The following CASZ1 variants were observed in gnomAD, a reference collection of about 807,000 sequenced individuals.
The protein encoded by CASZ1 is castor zinc finger 1.
In CASZ1, 28 loss-of-function variants were observed where a neutral mutation model predicts 135.2. The observed-to-expected ratio is 0.21, with a 90% confidence interval of 0.15 to 0.28. The LOEUF (loss-of-function observed/expected upper bound fraction) is 0.28, where lower values mean the gene tolerates loss of function less well. Ranked by LOEUF, CASZ1 falls within the 10% of genes least tolerant of loss-of-function variation. The pLI is 1.00. For synonymous variants in CASZ1, 1,068 were observed against 1,073.4 expected (o/e 0.99, Z 0.10); for missense variants, 2,161 against 2,453.3 (o/e 0.88, Z 2.52).
At chr1:10,663,834 G>A (rs371969357) in intron 5 of CASZ1, among the ~76,000 whole-genome samples, 3 of 152,210 alleles carry the variant, frequency 2.0e-5, no homozygotes, top group Admixed American at 6.5e-5. Context: ...TTCCAGGCCC[G>A]CCTCTGCCAG....
rs1640900388 is a variant in CASZ1, at chr1:10,788,633, G to A, written c.-234+7931C>T. Among the ~76,000 whole-genome samples, 1 of 152,220 alleles carries A rather than the reference G, an allele frequency of 6.6e-6. No homozygotes were observed. Among genetic ancestry groups the A allele is most frequent in the Non-Finnish European group, 1.5e-5 (1 of 68,034 alleles). ...CAGTGCCTCACACCCAGGTGGCCAA[G>A]GATGGAACAGGCGGAGACCACAGGC... On this transcript the variant is annotated intron_variant, in intron 1 of 20. Transcript: ENST00000377022. The surrounding 1 kb of genome is among the most constrained non-coding windows in gnomAD (Gnocchi z 4.1).
At chr1:10,690,677 A>T (rs492447) in intron 4 of CASZ1, among the ~76,000 whole-genome samples, 68,944 of 151,998 alleles carry the variant, frequency 0.45, 16,273 homozygotes, top group Non-Finnish European at 0.49. Flanking sequence ...CCTCACCGGC[A>T]CCCCCTGCAG....
At chr1:10,656,826 G>A in intron 7 of CASZ1, 90 bp from the exon 8 acceptor site, 1 of 811,642 alleles carries the variant, frequency 1.2e-6, no homozygotes, top group South Asian at 1.5e-5. Context: ...GACTCTTCGG[G>A]CCCTGTATGG....
rs1642944658 is a variant in CASZ1 at position 10,659,750 on chromosome 1, G to A, written c.1292C>T (p.Thr431Ile). 1.9e-6 allele frequency: 3 copies of A among 1,613,948 alleles called. No homozygotes were observed. Among genetic ancestry groups the A allele is most frequent in the Admixed American group, 3.3e-5 (2 of 60,002 alleles). Residue 431 changes from threonine to isoleucine, a missense_variant, in exon 6 of 21, where the codon ACC becomes ATC. Physicochemically the swap from Thr to Ile is moderately conservative, Grantham distance 89. Coordinates refer to ENST00000377022, the MANE Select transcript of CASZ1 (RefSeq NM_001079843.3). ...SFNTPEYLKSTFSKTDSITTG... is the reference protein window; with the variant it reads ...SFNTPEYLKSIFSKTDSITTG... ...GGTGATGGAGTCTGTTTTGGAGAAGGTTGACTTCAGGTACTCGGGAGTGTT... is the reference window on the plus strand; with the variant it reads ...GGTGATGGAGTCTGTTTTGGAGAAGATTGACTTCAGGTACTCGGGAGTGTT...
rs1642414887 is a variant in CASZ1, at chr1:10,647,888, G to A, written c.3410C>T (p.Pro1137Leu). The A allele has an allele frequency of 6.2e-7, 1 of 1,613,882 alleles. No homozygotes were observed. The highest frequency in any genetic ancestry group is 8.5e-7 in the Non-Finnish European group (1 of 1,180,004). Reference sequence around the variant, plus strand: ...TGCCAAGGGCGAGGCGGGCAGGTGAGGCACTGACGCTGGGATCTGAGGCAT... The same window carrying A: ...TGCCAAGGGCGAGGCGGGCAGGTGAAGCACTGACGCTGGGATCTGAGGCAT... ...PQMPQIPASV[P>L]HLPASPLATT... is the part of the protein sequence containing the mutation. The change falls in exon 16 of 21, where the codon CCT (proline) becomes CTT (leucine). Residue 1137 changes from proline to leucine, a missense_variant. Physicochemically the swap from Pro to Leu is moderately conservative, Grantham distance 98. Transcript: ENST00000377022. This position sits in a 1 kb window ranked among gnomAD's most constrained non-coding sequence, Gnocchi z 4.9.
rs1211693494 is a variant in CASZ1, at chr1:10,729,359, G to A, written c.-76-23815C>T. Among the ~76,000 whole-genome samples the A allele has an allele frequency of 2.0e-5, 3 of 152,206 alleles. No homozygotes were observed. The East Asian group carries it at 5.8e-4, about 29-fold the overall frequency. On this transcript the variant is annotated intron_variant, in intron 2 of 20. Transcript: ENST00000377022. ...ATTCACAGGCTGGCACTGCGGGGCA[G>A]CCGGGCCCAGGTGGCTCCTCTCCCT...
At chr1:10,790,990 T>G (rs548853689) in intron 1 of CASZ1, among the ~76,000 whole-genome samples, 135 of 151,752 alleles carry the variant, frequency 8.9e-4, no homozygotes, top group African/African-American at 3.1e-3. Flanking sequence ...AAGAAAAAAT[T>G]TGCTTCTACC....
chr1:10,773,671 A>G (rs1570580966), intron 1 of CASZ1, among the ~76,000 whole-genome samples: 1 of 152,058 alleles, frequency 6.6e-6, no homozygotes, highest in African/African-American at 2.4e-5. Context: ...GGCTCCCCCA[A>G]ACCAAGCAGG....
Position 10,694,042 on chromosome 1 carries a change from G to T in CASZ1, c.-23-130C>A. 1 of 778,734 alleles carries T rather than the reference G, an allele frequency of 1.3e-6. No individual in the cohort carries two copies. Among genetic ancestry groups the T allele is most frequent in the Non-Finnish European group, 1.9e-6 (1 of 520,194 alleles). The allele number at this position is 778,734 out of a possible 1,614,324, so 48.2% of individuals were successfully genotyped here. A position where few individuals can be genotyped will look rare whatever the true frequency, so the allele number is the denominator to read the frequency against. On this transcript the variant is annotated intron_variant, in intron 3 of 20. Transcript: ENST00000377022. This position sits in a 1 kb window ranked among gnomAD's most constrained non-coding sequence, Gnocchi z 6.6. ...CGGCCCGTCCCGGGCGGGCGCCGAG[G>T]CCGCGGCGGAGAAACTTTCTCCTCC...
chr1:10,660,380 G>A lies in CASZ1; in HGVS notation c.662C>T (p.Ser221Phe), dbSNP rs773896198. ...GGTATCCTCGGAGGTGGGCAGCATG[G>A]AGGAGGTGGCTGCCTCCGGGGTGGA... The part of the protein sequence containing the change: ...AGSTPEAATS[S>F]MLPTSEDTLS... The change falls in exon 6 of 21, where the codon TCC (serine) becomes TTC (phenylalanine). Residue 221 changes from serine (S) to phenylalanine (F), a missense_variant. Ser to Phe is a radical substitution (Grantham distance 155). Coordinates refer to ENST00000377022, the MANE Select transcript of CASZ1 (RefSeq NM_001079843.3). 3.7e-6 allele frequency: 6 copies of A among 1,614,180 alleles called. No homozygotes were observed. The highest frequency in any genetic ancestry group is 1.6e-4 in the Middle Eastern group (1 of 6,062).
chr1:10,690,423 T>C (rs1468291570), intron 4 of CASZ1, among the ~76,000 whole-genome samples: 1 of 152,210 alleles, frequency 6.6e-6, no homozygotes, highest in Non-Finnish European at 1.5e-5. Flanking sequence ...CAAGACAGTA[T>C]GCTCTCAAAG....
At position 10,747,817 on chromosome 1, in the gene CASZ1, CTTTTTTT is replaced by C. The variant is rs34001765; in HGVS notation, c.-77+12877_-77+12883del. ...CAGTACACTGTGCTCACCTGCCTGA[CTTTTTTT>C]TTTTTTTTTTGAGATGGAGTCTCGC... On this transcript the variant is annotated intron_variant, in intron 2 of 20. Transcript: ENST00000377022. The surrounding 1 kb of genome is among the most constrained non-coding windows in gnomAD (Gnocchi z 4.3). Among the ~76,000 whole-genome samples the C allele has an allele frequency of 7.5e-6, 1 of 134,206 alleles. No homozygotes were observed. The highest frequency in any genetic ancestry group is 1.6e-5 in the Non-Finnish European group (1 of 63,344). 88.0% of individuals were successfully genotyped at this position (134,206 alleles called of 152,430 possible).
intron 2 of CASZ1, among the ~76,000 whole-genome samples, chr1:10,745,774 T>TGCA (rs1640028165): frequency 6.6e-6 from 1 of 152,188 alleles, no homozygotes; most frequent in African/African-American, 2.4e-5. Context: ...ATAGGGCACC[T>TGCA]ATGGCCCTAC....
In CASZ1 at chr1:10,649,350, G is replaced by A; in HGVS notation, c.2968C>T (p.Leu990=). The A allele has an allele frequency of 1.2e-6, 2 of 1,601,740 alleles. No homozygotes were observed. Among genetic ancestry groups the A allele is most frequent in the Non-Finnish European group, 8.5e-7 (1 of 1,174,634 alleles). ...GSPAAEPSPF[L]GKAVKALVQE... ...ACCAGCGCCTTCACGGCCTTGCCTA[G>A]GAAGGGCGAGGGCTCCGCAGCGGGG... Residue 990 remains leucine, a synonymous_variant, in exon 14 of 21, where the codon CTA becomes TTA. Transcript: ENST00000377022.
rs980988678 is a variant in CASZ1, at chr1:10,666,708, C to T, written c.17-1137G>A. The stretch of plus-strand genomic sequence containing the variant: ...CCAAACTCTGTCCCTGATAGGGCAC[C>T]GAGGGTCCTGGGGGGGCATACGGCA... On this transcript the variant is annotated intron_variant, in intron 4 of 20. Transcript: ENST00000377022. The surrounding 1 kb of genome is among the most constrained non-coding windows in gnomAD (Gnocchi z 5.2). Among the ~76,000 whole-genome samples the T allele has an allele frequency of 5.9e-5, 9 of 152,306 alleles. No individual in the cohort carries two copies. The highest frequency in any genetic ancestry group is 1.9e-4 in the African/African-American group (8 of 41,566).
chr1:10,680,040 C>G (rs1444247846), intron 4 of CASZ1, among the ~76,000 whole-genome samples: 1 of 152,110 alleles, frequency 6.6e-6, no homozygotes, highest in Non-Finnish European at 1.5e-5. Flanking sequence ...GGAGCCCAGG[C>G]CAGCTCCTGC....
intron 1 of CASZ1, among the ~76,000 whole-genome samples, chr1:10,782,717 C>T (rs1430658325): frequency 6.6e-6 from 1 of 151,808 alleles, no homozygotes; most frequent in African/African-American, 2.4e-5. Context: ...CATTCGGGAT[C>T]GCTGGCGGAG....
chr1:10,677,066 C>G (rs1286892814), intron 4 of CASZ1, among the ~76,000 whole-genome samples: 2 of 152,194 alleles, frequency 1.3e-5, no homozygotes. Context: ...CTGGGCAGAG[C>G]CCCCTGGGGC....
At chr1:10,685,257 GGA>G (rs1638548641) in intron 4 of CASZ1, among the ~76,000 whole-genome samples, 1 of 152,216 alleles carries the variant, frequency 6.6e-6, no homozygotes, top group East Asian at 1.9e-4. Context: ...GGGAGTCTGG[GGA>G]GAACTGGGAG....
Sources: gnomAD v4.1 joint callset for allele counts (sites outside exome capture counted in the v4.1 genomes callset) on GRCh38, gnomAD v4.1.1 for gene constraint, Gnocchi (gnomAD v3.1) non-coding constraint, MANE v1.5 for transcripts, NCBI Gene and HGNC (gene_info 2026-07-23, HGNC 2026-07-21) for gene names.